Variants in KMT2E observed in about 807,000 individuals in gnomAD.
KMT2E encodes histone reader KMT2E.
Under a neutral mutation model 184.6 loss-of-function variants are expected in KMT2E, and 30 were observed. That is an observed-to-expected ratio of 0.16 (90% confidence interval 0.12 to 0.22). KMT2E has a LOEUF of 0.22. Ranked by LOEUF, KMT2E falls within the 10% of genes least tolerant of loss-of-function variation. KMT2E has a pLI of 1.00. For synonymous variants in KMT2E, 815 were observed against 776.5 expected (o/e 1.05, Z -0.82); for missense variants, 2,023 against 2,237.4 (o/e 0.90, Z 1.93).
At chr7:105,038,736 T>TA (rs1031903338) in intron 2 of KMT2E, among the ~76,000 whole-genome samples, 6 of 152,144 alleles carry the variant, frequency 3.9e-5, no homozygotes, top group African/African-American at 1.4e-4. Flanking sequence ...TTTCCCTTTT[T>TA]AAAAAAACTA....
chr7:105,046,088 C>G (rs561941149), intron 3 of KMT2E, among the ~76,000 whole-genome samples: 33 of 152,196 alleles, frequency 2.2e-4, no homozygotes, highest in Non-Finnish European at 4.1e-4. Flanking sequence ...TCACATAGCC[C>G]TCTGCATTAC....
chr7:105,072,871 G>T (rs1476171720), intron 6 of KMT2E, among the ~76,000 whole-genome samples: 1 of 151,728 alleles, frequency 6.6e-6, no homozygotes, highest in Non-Finnish European at 1.5e-5. Flanking sequence ...CCAAGATTGC[G>T]CCATTGCACT....
intron 5 of KMT2E, among the ~76,000 whole-genome samples, chr7:105,065,357 A>G (rs1796986018): frequency 6.6e-6 from 1 of 152,096 alleles, no homozygotes; most frequent in African/African-American, 2.4e-5. Context: ...CATTTGTGCT[A>G]CTTTTCTTTT....
At position 105,025,478 on chromosome 7, in the gene KMT2E, A is replaced by AT. The variant is rs535089208; in HGVS notation, c.-189+10950dup. Among the ~76,000 whole-genome samples the AT allele has an allele frequency of 3.8e-3, 575 of 152,138 alleles. 15 individuals are homozygous for AT. In the East Asian group the frequency reaches 0.062, roughly 16 times the overall value. ...GGTGATCACTATTTATAGTTTATGT[A>AT]TTTTTTTCTAAAATGTTTTATGTAG... is the stretch of plus-strand genomic sequence containing the variant. On this transcript the variant is annotated intron_variant, in intron 1 of 26. Coordinates refer to ENST00000311117, the MANE Select transcript of KMT2E (RefSeq NM_182931.3).
intron 3 of KMT2E, among the ~76,000 whole-genome samples, chr7:105,051,571 C>A (rs12531424): frequency 2.0e-5 from 3 of 151,964 alleles, no homozygotes; most frequent in Admixed American, 6.6e-5. Flanking sequence ...CCCTTAACCC[C>A]TATGTCTAAT....
chr7:105,027,945 A>T (rs904306990), intron 1 of KMT2E, among the ~76,000 whole-genome samples: 1 of 152,270 alleles, frequency 6.6e-6, no homozygotes, highest in South Asian at 2.1e-4. Context: ...TAATTATTCA[A>T]ATATACTAAT....
chr7:105,015,940 T>G (rs1165380892), intron 1 of KMT2E, among the ~76,000 whole-genome samples: 2 of 152,100 alleles, frequency 1.3e-5, no homozygotes, highest in Admixed American at 6.5e-5. Flanking sequence ...CCTTGCAAAT[T>G]TCAGTGGTGA....
intron 15 of KMT2E, among the ~76,000 whole-genome samples, chr7:105,096,132 A>C (rs1224592884): frequency 1.3e-5 from 2 of 151,466 alleles, no homozygotes; most frequent in Non-Finnish European, 1.5e-5. Context: ...GCACATGCCT[A>C]TAATCCCAGC....
At chr7:105,106,950 A>T (rs77851932) in intron 20 of KMT2E, among the ~76,000 whole-genome samples, 178 bp downstream of exon 20, 1,947 of 152,338 alleles carry the variant, frequency 0.013, 20 homozygotes, top group African/African-American at 0.031. Context: ...TTTTACTAAA[A>T]TGAGCATAAC....
intron 17 of KMT2E, 90 bp downstream of exon 17, chr7:105,102,284 CATAATA>C (rs374911156): frequency 8.1e-6 from 9 of 1,104,622 alleles, no homozygotes; most frequent in African/African-American, 3.3e-5. Context: ...TTTAAGACCT[CATAATA>C]ATAAGAGGCA....
chr7:105,081,877 T>TA, intron 13 of KMT2E, 80 bp downstream of exon 13: 1 of 639,958 alleles, frequency 1.6e-6, no homozygotes, highest in Non-Finnish European at 2.7e-6. Context: ...GTATTGTCAT[T>TA]ACTTTTATAG....
At chr7:105,098,216 T>A (rs184880336) in intron 15 of KMT2E, among the ~76,000 whole-genome samples, 15 of 149,890 alleles carry the variant, frequency 1.0e-4, no homozygotes, top group Admixed American at 9.3e-4. Context: ...GTAGGTGGGC[T>A]CTGGCTTTCC....
At position 105,113,383 on chromosome 7, in the gene KMT2E, A is replaced by C; in HGVS notation, c.*50A>C. ...AAATGTTCTGTAAGATAAACTGTAT[A>C]TTTCATATGTACCTGTTAAGGTACT... On this transcript the variant is annotated 3_prime_UTR_variant, in exon 27 of 27. Coordinates refer to ENST00000311117, the MANE Select transcript of KMT2E (RefSeq NM_182931.3). 1 of 1,540,314 alleles carries C rather than the reference A, an allele frequency of 6.5e-7. No homozygotes were observed. Among genetic ancestry groups the C allele is most frequent in the Admixed American group, 1.9e-5 (1 of 52,206 alleles).
intron 15 of KMT2E, among the ~76,000 whole-genome samples, chr7:105,092,822 A>T (rs1366304856): frequency 2.0e-5 from 3 of 152,008 alleles, no homozygotes; most frequent in Non-Finnish European, 4.4e-5. Flanking sequence ...TGTGTGTGGC[A>T]TGTGTCTGGT....
chr7:105,109,042 G>C lies in KMT2E; in HGVS notation c.3569G>C (p.Gly1190Ala), dbSNP rs1562933413. The C allele has an allele frequency of 6.2e-7, 1 of 1,614,168 alleles. No homozygotes were observed. The highest frequency in any genetic ancestry group is 8.5e-7 in the Non-Finnish European group (1 of 1,180,020). ...PLISVSPHASGSLSNNGDGCA... is the reference protein window; with the variant it reads ...PLISVSPHASASLSNNGDGCA... ...ATTAGTGTATCACCCCATGCAAGTG[G>C]AAGCTTGAGCAACAATGGTGATGGC... Residue 1190 changes from glycine to alanine, a missense_variant, in exon 23 of 27, where the codon GGA (glycine) becomes GCA (alanine). By Grantham distance (60) the Gly-to-Ala change is moderately conservative. This residue lies in a region of KMT2E where 1,108 missense variants were observed against 1,050.9 expected (regional missense o/e 1.05). Coordinates refer to ENST00000311117, the MANE Select transcript of KMT2E (RefSeq NM_182931.3).
chr7:105,111,196 CA>C (rs1367385964), intron 26 of KMT2E: 1 of 224,318 alleles, frequency 4.5e-6, no homozygotes, highest in Admixed American at 5.4e-5. Context: ...TATCTAAAAA[CA>C]AAAGGTCATT....
In KMT2E at chr7:105,105,981, A is replaced by G. The variant is rs750140807; in HGVS notation, c.2574A>G (p.Leu858=). The G allele has an allele frequency of 6.2e-7, 1 of 1,610,226 alleles. No individual in the cohort carries two copies. Among genetic ancestry groups the G allele is most frequent in the Non-Finnish European group, 8.5e-7 (1 of 1,179,032 alleles). Residue 858 remains leucine, a synonymous_variant, in exon 19 of 27, where the codon TTA becomes TTG. Coordinates refer to ENST00000311117, the MANE Select transcript of KMT2E (RefSeq NM_182931.3). ...VNGENKSPLL[L]NDSCSLPDLT... is the part of the protein sequence containing the mutation. ...GTGAAAATAAAAGTCCACTACTATT[A>G]AATGACAGCTGTTCCCTTCCAGGTA...
chr7:105,091,390 G>C, intron 15 of KMT2E, 76 bp downstream of exon 15: 1 of 816,714 alleles, frequency 1.2e-6, no homozygotes, highest in Non-Finnish European at 2.2e-6. Flanking sequence ...CTTTACATGG[G>C]CTTTTACATT....
intron 15 of KMT2E, among the ~76,000 whole-genome samples, chr7:105,094,267 A>G (rs1798318925): frequency 1.3e-5 from 2 of 152,192 alleles, no homozygotes; most frequent in African/African-American, 4.8e-5. Flanking sequence ...ACGTCAAGTC[A>G]AAAAGTGACA....
Sources: gnomAD v4.1 joint callset for allele counts (sites outside exome capture counted in the v4.1 genomes callset) on GRCh38, gnomAD v4.1.1 for gene constraint, gnomAD v4.1.1 regional missense constraint, MANE v1.5 for transcripts, NCBI Gene and HGNC (gene_info 2026-07-23, HGNC 2026-07-21) for gene names.